The following LYPLAL1 variants were observed in gnomAD, a reference collection of about 807,000 sequenced individuals.
The protein encoded by LYPLAL1 is lysophospholipase like 1.
LYPLAL1 carries 23 observed loss-of-function variants against 19.7 expected under a neutral mutation model. The observed-to-expected ratio is 1.17, with a 90% CI of 0.84 to 1.65. The LOEUF (loss-of-function observed/expected upper bound fraction) is 1.65. LYPLAL1 is among the 40% of genes most tolerant of loss of function. The pLI is 0.00. For missense variants in LYPLAL1, 355 were observed against 279.4 expected (o/e 1.27, Z -1.93); for synonymous variants, 119 against 96.3 (o/e 1.24, Z -1.38).
At chr1:219,279,549 G>A in the LYPLAL1 span, among the ~76,000 whole-genome samples, 1 of 152,114 alleles carries the variant, frequency 6.6e-6, no homozygotes, top group Non-Finnish European at 1.5e-5. Flanking sequence ...TTTCCTGATG[G>A]ATAAGGAAAC....
the LYPLAL1 span, among the ~76,000 whole-genome samples, chr1:219,351,299 C>A: frequency 6.6e-6 from 1 of 151,872 alleles, no homozygotes; most frequent in South Asian, 2.1e-4. Context: ...TTACTGGTAG[C>A]TCATTGTTGG....
the LYPLAL1 span, among the ~76,000 whole-genome samples, chr1:219,291,558 T>C: frequency 7.9e-5 from 12 of 152,162 alleles, no homozygotes; most frequent in Non-Finnish European, 1.6e-4. Flanking sequence ...TTCCCTAATA[T>C]TCAGGTTTCA....
At chr1:219,192,046 T>C (rs1379482621) in intron 2 of LYPLAL1, among the ~76,000 whole-genome samples, 1 of 151,508 alleles carries the variant, frequency 6.6e-6, no homozygotes, top group Admixed American at 6.6e-5. Context: ...TGGGGTGGTA[T>C]GATCAATATT....
chr1:219,191,889 G>C (rs1264725110), intron 2 of LYPLAL1, among the ~76,000 whole-genome samples: 1 of 151,336 alleles, frequency 6.6e-6, no homozygotes, highest in Non-Finnish European at 1.5e-5. Flanking sequence ...TTCTATTTGA[G>C]TAAATAAAAG....
intron 2 of LYPLAL1, 132 bp from the exon 3 acceptor site, chr1:219,192,950 G>C (rs1657297419): frequency 3.5e-6 from 3 of 866,786 alleles, no homozygotes; most frequent in Non-Finnish European, 5.0e-6. Context: ...GTTTTAATAT[G>C]CATTTAACTT....
chr1:219,185,294 T>C (rs1572163574), intron 2 of LYPLAL1, among the ~76,000 whole-genome samples: 1 of 151,984 alleles, frequency 6.6e-6, no homozygotes, highest in Non-Finnish European at 1.5e-5. Flanking sequence ...TTTTCGTGGT[T>C]CATCTTACCA....
chr1:219,430,506 C>G, the LYPLAL1 span, among the ~76,000 whole-genome samples: 2 of 152,148 alleles, frequency 1.3e-5, no homozygotes, highest in Non-Finnish European at 2.9e-5. Flanking sequence ...CATAATTAGA[C>G]AGACTTAAGT....
chr1:219,297,906 A>G, the LYPLAL1 span, among the ~76,000 whole-genome samples: 2 of 152,218 alleles, frequency 1.3e-5, no homozygotes, highest in African/African-American at 4.8e-5. Context: ...CAGAACAACT[A>G]CCTTACTCCC....
the LYPLAL1 span, among the ~76,000 whole-genome samples, chr1:219,247,577 T>C: frequency 6.6e-6 from 1 of 152,218 alleles, no homozygotes; most frequent in Non-Finnish European, 1.5e-5. Context: ...GTAGGACTAT[T>C]AACCAGAACT....
chr1:219,385,670 C>A, the LYPLAL1 span, among the ~76,000 whole-genome samples: 6 of 151,804 alleles, frequency 4.0e-5, no homozygotes, highest in African/African-American at 1.5e-4. Context: ...TTTCTCTTTG[C>A]AAGCTTTAAA....
the LYPLAL1 span, among the ~76,000 whole-genome samples, chr1:219,386,187 T>C: frequency 6.6e-6 from 1 of 152,236 alleles, no homozygotes; most frequent in African/African-American, 2.4e-5. Context: ...AGTTGCCATT[T>C]AACATTTCTA....
the LYPLAL1 span, among the ~76,000 whole-genome samples, chr1:219,441,213 T>G: frequency 2.6e-5 from 4 of 152,228 alleles, no homozygotes; most frequent in Admixed American, 2.6e-4. Flanking sequence ...GATGCTGATT[T>G]GAAGATATTT....
the LYPLAL1 span, among the ~76,000 whole-genome samples, chr1:219,232,041 G>A: frequency 6.6e-6 from 1 of 152,158 alleles, no homozygotes. Context: ...TTCTGCCACA[G>A]TCATTTTCAT....
At chr1:219,436,532 T>G in the LYPLAL1 span, among the ~76,000 whole-genome samples, 57 of 152,204 alleles carry the variant, frequency 3.7e-4, no homozygotes, top group African/African-American at 1.3e-3. Flanking sequence ...CGGAGCTTAG[T>G]CTTGAAGGGG....
chr1:219,209,661 T>C (rs1658841893), intron 3 of LYPLAL1, among the ~76,000 whole-genome samples: 1 of 152,152 alleles, frequency 6.6e-6, no homozygotes, highest in South Asian at 2.1e-4. Flanking sequence ...CTGTATTTTC[T>C]CATGGAATAT....
chr1:219,315,771 A>C, the LYPLAL1 span, among the ~76,000 whole-genome samples: 5 of 152,334 alleles, frequency 3.3e-5, no homozygotes, highest in African/African-American at 1.2e-4. Flanking sequence ...AATTTCAGAG[A>C]CAAATAAGGA....
the LYPLAL1 span, among the ~76,000 whole-genome samples, chr1:219,377,078 C>A: frequency 6.6e-6 from 1 of 152,216 alleles, no homozygotes; most frequent in Non-Finnish European, 1.5e-5. Flanking sequence ...GCAAAATCAA[C>A]CCAAAGTGTC....
At chr1:219,319,735 C>T in the LYPLAL1 span, among the ~76,000 whole-genome samples, 1 of 152,198 alleles carries the variant, frequency 6.6e-6, no homozygotes, top group Non-Finnish European at 1.5e-5. Flanking sequence ...TTTACTCACA[C>T]TGACTCACCC....
At chr1:219,385,114 G>T in the LYPLAL1 span, among the ~76,000 whole-genome samples, 1 of 152,140 alleles carries the variant, frequency 6.6e-6, no homozygotes, top group African/African-American at 2.4e-5. Flanking sequence ...CCAGAGATCT[G>T]CTGGGGATTT....
Sources: gnomAD v4.1 joint callset for allele counts (sites outside exome capture counted in the v4.1 genomes callset) on GRCh38, gnomAD v4.1.1 for gene constraint, MANE v1.5 for transcripts, NCBI Gene and HGNC (gene_info 2026-07-23, HGNC 2026-07-21) for gene names.